Variants in CENPW observed in about 807,000 individuals in gnomAD.
CENPW encodes the protein cancer-up-regulated gene 2 protein.
In CENPW, 3 loss-of-function variants were observed where a neutral mutation model predicts 11.1. That is an observed-to-expected ratio of 0.27 (90% CI 0.12 to 0.70). The LOEUF (loss-of-function observed/expected upper bound fraction) is 0.70. Ranked by LOEUF, CENPW falls within the 30% of genes least tolerant of loss-of-function variation. The pLI is 0.77. For synonymous variants in CENPW, 38 were observed against 42.0 expected, an observed-to-expected ratio of 0.91 and a Z score of 0.37; for missense variants, 100 against 105.6, an observed-to-expected ratio of 0.95 and a Z score of 0.23.
chr6:126,341,694 C>T (rs1780314644), intron 1 of CENPW, among the ~76,000 whole-genome samples: 1 of 152,184 alleles, frequency 6.6e-6, no homozygotes, highest in Non-Finnish European at 1.5e-5. Context: ...AAATGAAATT[C>T]ACTTGCAAAA....
the CENPW span, among the ~76,000 whole-genome samples, chr6:126,466,034 T>C: frequency 6.6e-6 from 1 of 152,114 alleles, no homozygotes; most frequent in African/African-American, 2.4e-5. Context: ...AAGGTTTGAA[T>C]AGGTGAAGAA....
At chr6:126,477,975 A>T in the CENPW span, among the ~76,000 whole-genome samples, 1 of 152,134 alleles carries the variant, frequency 6.6e-6, no homozygotes, top group African/African-American at 2.4e-5. Flanking sequence ...GGATTCTACC[A>T]GCTCTTTTCA....
intron 1 of CENPW, among the ~76,000 whole-genome samples, chr6:126,342,192 A>T (rs943287926): frequency 6.6e-6 from 1 of 152,222 alleles, no homozygotes; most frequent in African/African-American, 2.4e-5. Flanking sequence ...TTGCAAGGTT[A>T]AGTGAGAGGA....
chr6:126,469,798 G>A, the CENPW span, among the ~76,000 whole-genome samples: 1 of 152,298 alleles, frequency 6.6e-6, no homozygotes, highest in Non-Finnish European at 1.5e-5. Context: ...TTTTGCCCCT[G>A]CCCTAGAGAT....
At chr6:126,396,727 T>C in the CENPW span, among the ~76,000 whole-genome samples, 5 of 152,122 alleles carry the variant, frequency 3.3e-5, no homozygotes, top group African/African-American at 1.2e-4. Context: ...TGGGTGTTAC[T>C]GCTGGTTATT....
the CENPW span, among the ~76,000 whole-genome samples, chr6:126,379,832 G>A: frequency 2.0e-5 from 3 of 152,280 alleles, no homozygotes; most frequent in East Asian, 1.9e-4. Context: ...TCCATGAAAA[G>A]TATAATCTTT....
chr6:126,375,167 G>A, the CENPW span, among the ~76,000 whole-genome samples: 4 of 152,198 alleles, frequency 2.6e-5, no homozygotes, highest in African/African-American at 4.8e-5. Flanking sequence ...ATGGGAGAGA[G>A]TTTCAACTGA....
At chr6:126,381,522 G>A in the CENPW span, among the ~76,000 whole-genome samples, 3 of 152,130 alleles carry the variant, frequency 2.0e-5, no homozygotes, top group African/African-American at 7.2e-5. Flanking sequence ...CATTGTTCAA[G>A]CCCCAGGGAA....
At chr6:126,346,635 C>G (rs1360690294) in intron 2 of CENPW, among the ~76,000 whole-genome samples, 2 of 151,994 alleles carry the variant, frequency 1.3e-5, no homozygotes, top group African/African-American at 4.8e-5. Flanking sequence ...TAAAATTATC[C>G]TAATTACCTC....
At chr6:126,422,674 T>G in the CENPW span, among the ~76,000 whole-genome samples, 2 of 152,102 alleles carry the variant, frequency 1.3e-5, no homozygotes, top group South Asian at 4.1e-4. Context: ...ACACTCTACT[T>G]CATCCCTCAT....
the CENPW span, among the ~76,000 whole-genome samples, chr6:126,416,124 G>A: frequency 6.6e-6 from 1 of 152,300 alleles, no homozygotes; most frequent in African/African-American, 2.4e-5. Flanking sequence ...GGTCTCAGAT[G>A]GAAATGAGAA....
chr6:126,416,792 A>G, the CENPW span, among the ~76,000 whole-genome samples: 7 of 152,192 alleles, frequency 4.6e-5, no homozygotes, highest in African/African-American at 1.7e-4. Context: ...ATGTATGGAA[A>G]TGCCTGGATG....
the CENPW span, among the ~76,000 whole-genome samples, chr6:126,466,842 C>T: frequency 1.3e-5 from 2 of 152,022 alleles, no homozygotes; most frequent in Non-Finnish European, 2.9e-5. Flanking sequence ...TATAGACCAA[C>T]AAGAGCCAAA....
chr6:126,438,846 T>C, the CENPW span, among the ~76,000 whole-genome samples: 1 of 151,752 alleles, frequency 6.6e-6, no homozygotes, highest in Admixed American at 6.6e-5. Flanking sequence ...CACTTTTAAT[T>C]AAACAAAATA....
chr6:126,476,996 T>TTA, the CENPW span, among the ~76,000 whole-genome samples: 4 of 151,954 alleles, frequency 2.6e-5, no homozygotes, highest in Non-Finnish European at 4.4e-5. Flanking sequence ...GTAAAGGAAA[T>TTA]ATACTTCATT....
At chr6:126,478,694 T>G in the CENPW span, among the ~76,000 whole-genome samples, 1 of 152,124 alleles carries the variant, frequency 6.6e-6, no homozygotes, top group Admixed American at 6.6e-5. Context: ...GGTGTCCTTC[T>G]TAGGCCCTTG....
the CENPW span, among the ~76,000 whole-genome samples, chr6:126,406,037 C>G: frequency 2.0e-5 from 3 of 152,010 alleles, no homozygotes; most frequent in African/African-American, 7.2e-5. Context: ...GTTCTAGTTC[C>G]TAGAGGAAAA....
the CENPW span, among the ~76,000 whole-genome samples, chr6:126,443,380 T>G: frequency 6.6e-6 from 1 of 151,200 alleles, no homozygotes. Context: ...AATATGTTCT[T>G]CTTTTCTCTG....
At chr6:126,392,181 C>G in the CENPW span, among the ~76,000 whole-genome samples, 2 of 151,696 alleles carry the variant, frequency 1.3e-5, no homozygotes, top group Non-Finnish European at 3.0e-5. Flanking sequence ...TTGTAGAAAC[C>G]TTTCACTTTG....
Sources: allele counts gnomAD v4.1 joint callset (sites outside exome capture counted in the v4.1 genomes callset), GRCh38; gene constraint gnomAD v4.1.1; transcripts MANE v1.5; gene names NCBI Gene and HGNC (gene_info 2026-07-23, HGNC 2026-07-21).